Variants in SKAP1 observed in about 807,000 individuals in gnomAD.
SKAP1 encodes src kinase-associated phosphoprotein 1.
A neutral mutation model predicts 58.5 loss-of-function variants in SKAP1; 44 were observed. That is an observed-to-expected ratio of 0.75 (90% CI 0.59 to 0.97). The LOEUF (loss-of-function observed/expected upper bound fraction) is 0.97, where lower values mean the gene tolerates loss of function less well. SKAP1 is among the 50% of genes least tolerant of loss of function. The pLI, the probability that SKAP1 is intolerant of heterozygous loss-of-function variation, is 0.00. For missense variants in SKAP1, 390 were observed against 435.2 expected (o/e 0.90, Z 0.92); for synonymous variants, 127 against 149.7 (o/e 0.85, Z 1.11).
At chr17:48,299,083 T>A (rs1390613573) in intron 4 of SKAP1, among the ~76,000 whole-genome samples, 1 of 152,220 alleles carries the variant, frequency 6.6e-6, no homozygotes, top group Admixed American at 6.5e-5. Flanking sequence ...AAGCACCATA[T>A]AAATATGAGC....
chr17:48,182,753 C>T (rs572785525), intron 7 of SKAP1, among the ~76,000 whole-genome samples: 1 of 152,170 alleles, frequency 6.6e-6, no homozygotes, highest in East Asian at 1.9e-4. Context: ...GAAAAGTTTA[C>T]AAGAAAAAGA....
At chr17:48,166,940 CT>C (rs2064148317) in intron 10 of SKAP1, among the ~76,000 whole-genome samples, 3 of 152,056 alleles carry the variant, frequency 2.0e-5, no homozygotes, top group Admixed American at 2.0e-4. Context: ...TCATAGCTCA[CT>C]GCAGCCTCGA....
intron 4 of SKAP1, among the ~76,000 whole-genome samples, chr17:48,314,853 G>A (rs1350610084): frequency 6.6e-6 from 1 of 152,210 alleles, no homozygotes; most frequent in Non-Finnish European, 1.5e-5. Flanking sequence ...AGGAATGTCA[G>A]TTTCTTTGAT....
chr17:48,210,359 A>G (rs2064857311), intron 4 of SKAP1, among the ~76,000 whole-genome samples: 1 of 152,150 alleles, frequency 6.6e-6, no homozygotes, highest in African/African-American at 2.4e-5. Flanking sequence ...AGTGGGGCTG[A>G]GGCATGTTTA....
intron 10 of SKAP1, among the ~76,000 whole-genome samples, chr17:48,168,820 T>C (rs1226581196): frequency 6.6e-6 from 1 of 152,222 alleles, no homozygotes; most frequent in Non-Finnish European, 1.5e-5. Context: ...CTCTATCTTT[T>C]ATTGTTACAA....
chr17:48,302,766 G>T (rs2066078259), intron 4 of SKAP1, among the ~76,000 whole-genome samples: 1 of 152,270 alleles, frequency 6.6e-6, no homozygotes, highest in Admixed American at 6.5e-5. Context: ...GTCACTATTT[G>T]GTTCAACAGT....
chr17:48,298,818 G>A (rs1165444034), intron 4 of SKAP1, among the ~76,000 whole-genome samples: 1 of 152,158 alleles, frequency 6.6e-6, no homozygotes, highest in Non-Finnish European at 1.5e-5. Flanking sequence ...AGTGGGGGAA[G>A]GGAAGTGGGT....
chr17:48,165,548 G>T (rs1258776932), intron 10 of SKAP1, among the ~76,000 whole-genome samples: 2 of 151,848 alleles, frequency 1.3e-5, no homozygotes, highest in Non-Finnish European at 2.9e-5. Flanking sequence ...TTACAGGCAC[G>T]TGCCACCACG....
intron 1 of SKAP1, among the ~76,000 whole-genome samples, chr17:48,398,956 G>A (rs1435010361): frequency 2.0e-5 from 3 of 152,168 alleles, no homozygotes; most frequent in Non-Finnish European, 4.4e-5. Context: ...GGGAGTTGGA[G>A]GTTGCAGTGA....
intron 2 of SKAP1, among the ~76,000 whole-genome samples, chr17:48,376,557 T>C (rs919053347): frequency 6.6e-6 from 1 of 152,214 alleles, no homozygotes; most frequent in Non-Finnish European, 1.5e-5. Flanking sequence ...AAGGCAAATG[T>C]TATGTAAAAA....
At chr17:48,431,349 T>C (rs934991161), upstream of SKAP1, among the ~76,000 whole-genome samples, 4 of 152,096 alleles carry the variant, frequency 2.6e-5, no homozygotes, top group Non-Finnish European at 4.4e-5. Flanking sequence ...CCAGTGTGCA[T>C]GTGAGTGTTT....
In SKAP1 at chr17:48,187,944, A is replaced by T. The variant is rs755054813; in HGVS notation, c.359-18T>A. ...ACTATGATCTAAACAGAACAGCAGT[A>T]GGGGACATAAATTCAGGTAACTACC... On this transcript the variant is annotated intron_variant, in intron 5 of 12. Coordinates refer to ENST00000336915, the MANE Select transcript of SKAP1 (RefSeq NM_003726.4). The T allele has an allele frequency of 2.5e-6, 4 of 1,592,684 alleles. No homozygotes were observed. Among genetic ancestry groups the T allele is most frequent in the Admixed American group, 1.7e-5 (1 of 59,858 alleles).
chr17:48,147,849 T>C (rs979097874), intron 11 of SKAP1, among the ~76,000 whole-genome samples: 3 of 152,106 alleles, frequency 2.0e-5, no homozygotes, highest in Admixed American at 1.3e-4. Context: ...GAGCTAGTTT[T>C]ATTTACTGTT....
At chr17:48,283,801 T>C (rs2065797132) in intron 4 of SKAP1, among the ~76,000 whole-genome samples, 1 of 152,178 alleles carries the variant, frequency 6.6e-6, no homozygotes, top group African/African-American at 2.4e-5. Flanking sequence ...TGTCTGGGCA[T>C]CTTGTACCTA....
At chr17:48,248,623 A>C (rs916487214) in intron 4 of SKAP1, among the ~76,000 whole-genome samples, 5 of 152,138 alleles carry the variant, frequency 3.3e-5, no homozygotes, top group Non-Finnish European at 2.9e-5. Context: ...GAAATTTAAG[A>C]CATAATCCTT....
intron 10 of SKAP1, among the ~76,000 whole-genome samples, chr17:48,163,470 A>C (rs2064096499): frequency 6.6e-6 from 1 of 152,152 alleles, no homozygotes; most frequent in Non-Finnish European, 1.5e-5. Flanking sequence ...GTGGGAGAGG[A>C]TCTGGGGATT....
chr17:48,377,306 A>T (rs981299382), intron 2 of SKAP1: 3 of 151,930 alleles, frequency 2.0e-5, no homozygotes, highest in African/African-American at 7.3e-5. Context: ...CAGGATGGAG[A>T]CTCATGCCTA....
At chr17:48,396,852 T>C in intron 1 of SKAP1, 67 bp from the exon 2 acceptor site, 2 of 1,185,820 alleles carry the variant, frequency 1.7e-6, no homozygotes, top group Non-Finnish European at 2.5e-6. Context: ...ATCAGAAGGA[T>C]TAAGAAATGG....
chr17:48,358,211 C>T (rs1251294179), intron 3 of SKAP1, among the ~76,000 whole-genome samples: 1 of 152,126 alleles, frequency 6.6e-6, no homozygotes, highest in Admixed American at 6.6e-5. Flanking sequence ...GGCTGTGTTT[C>T]TTTGTATAAA....
Sources: gnomAD v4.1 joint callset for allele counts (sites outside exome capture counted in the v4.1 genomes callset) on GRCh38, gnomAD v4.1.1 for gene constraint, MANE v1.5 for transcripts, NCBI Gene and HGNC (gene_info 2026-07-23, HGNC 2026-07-21) for gene names.